Variants in VWA3B observed in about 807,000 individuals in gnomAD.
VWA3B encodes the protein von Willebrand factor A domain containing 3B.
Under a neutral mutation model 158.3 loss-of-function variants are expected in VWA3B, and 138 were observed. That is an observed-to-expected ratio of 0.87 (90% CI 0.76 to 1.00). VWA3B has a LOEUF of 1.00. VWA3B is among the 50% of genes least tolerant of loss of function. The pLI is 0.00. For synonymous variants in VWA3B, 596 were observed against 587.3 expected, an observed-to-expected ratio of 1.01 and a Z score of -0.21; for missense variants, 1,555 against 1,565.1, an observed-to-expected ratio of 0.99 and a Z score of 0.11.
At chr2:98,218,110 G>T in intron 14 of VWA3B, 82 bp downstream of exon 14, 1 of 1,409,856 alleles carries the variant, frequency 7.1e-7, no homozygotes, top group South Asian at 1.4e-5. Context: ...TACCTTCGTT[G>T]GGAAAATAGC....
intron 21 of VWA3B, among the ~76,000 whole-genome samples, chr2:98,257,816 C>A (rs72817790): frequency 0.13 from 20,355 of 151,816 alleles, 2,086 homozygotes; most frequent in Non-Finnish European, 0.2. Context: ...GTTATCTTTT[C>A]GTATTCTTCA....
chr2:98,122,458 T>C (rs1675042030), intron 5 of VWA3B, among the ~76,000 whole-genome samples: 1 of 152,224 alleles, frequency 6.6e-6, no homozygotes, highest in Non-Finnish European at 1.5e-5. Flanking sequence ...GGTTTGTAAT[T>C]GGAAACACAT....
At chr2:98,205,822 G>T (rs538778404) in intron 12 of VWA3B, among the ~76,000 whole-genome samples, 16 of 152,196 alleles carry the variant, frequency 1.1e-4, no homozygotes, top group Admixed American at 4.6e-4. Flanking sequence ...CCAAGTGTTT[G>T]TGGAAATTTT....
intron 2 of VWA3B, among the ~76,000 whole-genome samples, chr2:98,098,667 T>TCA (rs1491371581): frequency 9.9e-5 from 15 of 152,090 alleles, no homozygotes; most frequent in African/African-American, 3.1e-4. Context: ...ACAGCCACTC[T>TCA]GTGTATTTTG....
At chr2:98,132,987 C>G (rs746601678) in intron 6 of VWA3B, among the ~76,000 whole-genome samples, 1 of 152,160 alleles carries the variant, frequency 6.6e-6, no homozygotes, top group African/African-American at 2.4e-5. Context: ...TAGGCAGAGA[C>G]GGAACTCCTG....
chr2:98,188,210 T>C (rs1191408394), intron 10 of VWA3B, 81 bp downstream of exon 10: 2 of 1,523,178 alleles, frequency 1.3e-6, no homozygotes, highest in East Asian at 4.6e-5. Context: ...TCCTCCCTTT[T>C]ATTTTTAGTT....
chr2:98,223,308 C>CA (rs35992329), intron 14 of VWA3B, among the ~76,000 whole-genome samples: 73,233 of 123,288 alleles, frequency 0.59, 21,028 homozygotes, highest in East Asian at 0.79. Context: ...GAAAATAGAC[C>CA]AAAAAAAAAA....
chr2:98,255,770 C>T (rs1458412748), intron 20 of VWA3B, among the ~76,000 whole-genome samples: 2 of 152,068 alleles, frequency 1.3e-5, no homozygotes, highest in African/African-American at 2.4e-5. Context: ...CTACAGAAAG[C>T]GAACTAAAGA....
intron 12 of VWA3B, among the ~76,000 whole-genome samples, chr2:98,201,936 T>G (rs1682577200): frequency 6.6e-6 from 1 of 152,154 alleles, no homozygotes; most frequent in Non-Finnish European, 1.5e-5. Context: ...CTTGTTGAGG[T>G]TTTTTTGTCT....
Position 98,129,853 on chromosome 2 carries a change from A to G in VWA3B, c.872+1445A>G, listed in dbSNP as rs567212011. 2.0e-5 allele frequency among the ~76,000 whole-genome samples: 3 copies of G among 152,090 alleles called. No homozygotes were observed. The East Asian group carries it at 5.8e-4, about 29-fold the overall frequency. On this transcript the variant is annotated intron_variant, in intron 6 of 27. Coordinates refer to ENST00000477737, the MANE Select transcript of VWA3B (RefSeq NM_144992.5). Reference sequence around the variant, plus strand: ...GCACTTGTTCTTTAAATATTTTTAAATTGATACATATTTGTACATATTTAT... The same window carrying G: ...GCACTTGTTCTTTAAATATTTTTAAGTTGATACATATTTGTACATATTTAT...
intron 26 of VWA3B, among the ~76,000 whole-genome samples, chr2:98,306,531 A>G (rs1389372294): frequency 6.6e-6 from 1 of 152,154 alleles, no homozygotes; most frequent in African/African-American, 2.4e-5. Flanking sequence ...TTCATTTAAA[A>G]TAGCAGGACA....
At chr2:98,225,014 A>G (rs62156679) in intron 14 of VWA3B, among the ~76,000 whole-genome samples, 7,200 of 152,258 alleles carry the variant, frequency 0.047, 256 homozygotes, top group Middle Eastern at 0.082. Context: ...GCTCACTGCA[A>G]TCTCCACCTC....
chr2:98,272,425 C>G (rs1688258550), intron 22 of VWA3B, among the ~76,000 whole-genome samples: 1 of 152,184 alleles, frequency 6.6e-6, no homozygotes, highest in South Asian at 2.1e-4. Context: ...CCTCCAGGAG[C>G]CTCCATGTGT....
chr2:98,088,704 A>G (rs572215823), intron 1 of VWA3B, among the ~76,000 whole-genome samples: 4 of 152,282 alleles, frequency 2.6e-5, no homozygotes, highest in Non-Finnish European at 5.9e-5. Context: ...AACTCTGAAT[A>G]ATAGTAAATA....
the VWA3B span, among the ~76,000 whole-genome samples, chr2:98,319,735 C>T: frequency 6.6e-6 from 1 of 152,014 alleles, no homozygotes. Context: ...TAAAAATTAG[C>T]CATGCATGGT....
rs78606086 is a variant in VWA3B at position 98,131,632 on chromosome 2, C to T, written c.873-2192C>T. Among the ~76,000 whole-genome samples, 773 of 152,250 alleles carry T rather than the reference C, an allele frequency of 5.1e-3. 17 individuals carry two copies. The East Asian group carries it at 0.087, about 17-fold the overall frequency. Reference sequence around the variant, plus strand: ...ATCTGTCATTTTTTCTTTTTGATAACAGCCCTCCTAACAGGGTAAGATGGC... The same window carrying T: ...ATCTGTCATTTTTTCTTTTTGATAATAGCCCTCCTAACAGGGTAAGATGGC... On this transcript the variant is annotated intron_variant, in intron 6 of 27. Transcript: ENST00000477737.
chr2:98,180,327 GA>G (rs1183018351), intron 8 of VWA3B, among the ~76,000 whole-genome samples: 2 of 152,184 alleles, frequency 1.3e-5, no homozygotes, highest in Non-Finnish European at 2.9e-5. Flanking sequence ...AAGTAGTTGG[GA>G]TTACAGACAC....
intron 7 of VWA3B, among the ~76,000 whole-genome samples, chr2:98,154,046 G>A (rs934409687): frequency 2.6e-5 from 4 of 152,080 alleles, no homozygotes; most frequent in Non-Finnish European, 4.4e-5. Context: ...ATTTTTAGTA[G>A]AGACGGGGTT....
intron 7 of VWA3B, among the ~76,000 whole-genome samples, chr2:98,151,173 T>C (rs1344638078): frequency 2.6e-5 from 4 of 151,834 alleles, no homozygotes; most frequent in African/African-American, 9.7e-5. Flanking sequence ...AGTTCAGTGG[T>C]ACGATCTCTG....
Sources: allele counts gnomAD v4.1 joint callset (sites outside exome capture counted in the v4.1 genomes callset), GRCh38; gene constraint gnomAD v4.1.1; transcripts MANE v1.5; gene names NCBI Gene and HGNC (gene_info 2026-07-23, HGNC 2026-07-21).